Variants in NYAP2 observed in about 807,000 individuals in gnomAD.
NYAP2 encodes the protein neuronal tyrosine-phosphorylated phosphoinositide-3-kinase adapter 2.
NYAP2 carries 23 observed loss-of-function variants against 50.4 expected under a neutral mutation model. The ratio of observed to expected loss-of-function variants is 0.46; its 90% CI spans 0.33 to 0.65. The LOEUF is 0.65. NYAP2 is among the 30% of genes least tolerant of loss of function. The pLI, the probability that NYAP2 is intolerant of heterozygous loss-of-function variation, is 0.02. For missense variants in NYAP2, 885 were observed against 861.0 expected (o/e 1.03, Z -0.35); for synonymous variants, 394 against 365.2 (o/e 1.08, Z -0.90).
chr2:225,680,721 T>G, the NYAP2 span, among the ~76,000 whole-genome samples: 1 of 152,156 alleles, frequency 6.6e-6, no homozygotes, highest in Admixed American at 6.5e-5. Context: ...AATGAGAAAT[T>G]GATTACTGGC....
intron 4 of NYAP2, among the ~76,000 whole-genome samples, chr2:225,548,049 A>G (rs1691614294): frequency 6.6e-6 from 1 of 152,132 alleles, no homozygotes. Context: ...CTAATTAGAG[A>G]TACATTAGCT....
chr2:225,662,007 AG>A, the NYAP2 span, among the ~76,000 whole-genome samples: 2 of 152,196 alleles, frequency 1.3e-5, no homozygotes, highest in South Asian at 4.1e-4. Context: ...TACAGGCGTG[AG>A]CCACTGCACC....
At chr2:225,480,365 T>A (rs1355080783) in intron 3 of NYAP2, among the ~76,000 whole-genome samples, 1 of 152,040 alleles carries the variant, frequency 6.6e-6, no homozygotes, top group African/African-American at 2.4e-5. Context: ...CAAAATGTAC[T>A]GTTAAAAATT....
At chr2:225,451,955 T>TAC (rs912769679) in intron 3 of NYAP2, among the ~76,000 whole-genome samples, 1 of 151,916 alleles carries the variant, frequency 6.6e-6, no homozygotes, top group Admixed American at 6.6e-5. Context: ...TATATGCACA[T>TAC]ACACACACAC....
chr2:225,440,486 T>C (rs1689452271), intron 3 of NYAP2, among the ~76,000 whole-genome samples: 1 of 152,160 alleles, frequency 6.6e-6, no homozygotes, highest in Non-Finnish European at 1.5e-5. Flanking sequence ...AGCATTGTGG[T>C]TCTTTAAGGC....
intron 6 of NYAP2, among the ~76,000 whole-genome samples, chr2:225,641,373 AAT>A (rs1306419214): frequency 3.7e-4 from 56 of 151,014 alleles, no homozygotes; most frequent in Non-Finnish European, 7.4e-5. Flanking sequence ...CGTATCAAAT[AAT>A]ATGTTTATTG....
chr2:225,643,437 T>A (rs1251571020), intron 6 of NYAP2, among the ~76,000 whole-genome samples: 1 of 151,890 alleles, frequency 6.6e-6, no homozygotes, highest in Non-Finnish European at 1.5e-5. Context: ...CTTATAATCT[T>A]TTTTTTTAAT....
chr2:225,608,173 A>T (rs536883501), intron 5 of NYAP2, among the ~76,000 whole-genome samples: 1 of 152,300 alleles, frequency 6.6e-6, no homozygotes, highest in Admixed American at 6.5e-5. Flanking sequence ...TGCAAACACT[A>T]GTTGTTTATA....
intron 5 of NYAP2, among the ~76,000 whole-genome samples, chr2:225,597,834 T>C (rs1692631866): frequency 6.6e-6 from 1 of 151,950 alleles, no homozygotes; most frequent in African/African-American, 2.4e-5. Context: ...GCTATGCAAC[T>C]ATAAAGGGTG....
chr2:225,654,320 C>G (rs2106274284), downstream of NYAP2, among the ~76,000 whole-genome samples: 1 of 152,184 alleles, frequency 6.6e-6, no homozygotes, highest in South Asian at 2.1e-4. Context: ...TATTAAAACC[C>G]AGAATTCTTA....
chr2:225,428,548 G>A (rs555590917), intron 3 of NYAP2, among the ~76,000 whole-genome samples: 1 of 152,330 alleles, frequency 6.6e-6, no homozygotes, highest in Non-Finnish European at 1.5e-5. Context: ...GTGTGGCAGT[G>A]TTTCAATAAA....
intron 5 of NYAP2, among the ~76,000 whole-genome samples, chr2:225,610,368 G>A (rs1464610939): frequency 6.6e-6 from 1 of 151,980 alleles, no homozygotes; most frequent in Non-Finnish European, 1.5e-5. Context: ...CTTCTGGTAA[G>A]AACACCAGTC....
chr2:225,547,450 A>G (rs751810386), intron 4 of NYAP2, among the ~76,000 whole-genome samples: 2 of 152,226 alleles, frequency 1.3e-5, no homozygotes, highest in Non-Finnish European at 2.9e-5. Context: ...ACTCAAGAGC[A>G]CGTTAGTCTG....
At chr2:225,652,492 G>C (rs1041899005) in exon 7 of NYAP2, 4 of 152,090 alleles carry the variant, frequency 2.6e-5, no homozygotes, top group African/African-American at 9.7e-5. Context: ...AATTAGTATG[G>C]GGAAAAATCA....
At chr2:225,488,854 G>T (rs187857739) in intron 3 of NYAP2, among the ~76,000 whole-genome samples, 20 of 152,272 alleles carry the variant, frequency 1.3e-4, no homozygotes, top group Non-Finnish European at 2.8e-4. Flanking sequence ...TTCTACAATG[G>T]TTGGTGAGTT....
Position 225,600,585 on chromosome 2 carries a change from A to G in NYAP2, c.1618+17550A>G, listed in dbSNP as rs139076676. ...TAAGGACAGCTTGAAGGTGAGAAGC[A>G]AGATGTAGTTGGTTAGGTCAGATCT... On this transcript the variant is annotated intron_variant, in intron 5 of 6. Transcript: ENST00000636099. Among the ~76,000 whole-genome samples the G allele has an allele frequency of 7.0e-3, 1,059 of 152,322 alleles. 16 individuals carry two copies. The highest frequency in any genetic ancestry group is 0.024 in the African/African-American group (1,010 of 41,568).
At chr2:225,398,313 A>G (rs1009521254), upstream of NYAP2, among the ~76,000 whole-genome samples, 7 of 152,072 alleles carry the variant, frequency 4.6e-5, no homozygotes, top group African/African-American at 1.7e-4. Flanking sequence ...TTACATATAG[A>G]AATGGGCTTT....
At chr2:225,551,189 C>T (rs557197835) in intron 4 of NYAP2, among the ~76,000 whole-genome samples, 7 of 152,142 alleles carry the variant, frequency 4.6e-5, no homozygotes, top group Non-Finnish European at 1.0e-4. Context: ...TGAATTTCAC[C>T]TTCTGGTATC....
intron 3 of NYAP2, among the ~76,000 whole-genome samples, chr2:225,476,270 A>G (rs2106162164): frequency 6.6e-6 from 1 of 152,254 alleles, no homozygotes; most frequent in Admixed American, 6.5e-5. Context: ...AAAATTAGCC[A>G]GGCGTAGTGA....
Sources: gnomAD v4.1 joint callset for allele counts (sites outside exome capture counted in the v4.1 genomes callset) on GRCh38, gnomAD v4.1.1 for gene constraint, MANE v1.5 for transcripts, NCBI Gene and HGNC (gene_info 2026-07-23, HGNC 2026-07-21) for gene names.